Variants in PRAMEF19 observed in about 807,000 individuals in gnomAD.
The protein encoded by PRAMEF19 is PRAME family member-like.
PRAMEF19 carries 21 observed loss-of-function variants against 33.1 expected under a neutral mutation model. The ratio of observed to expected loss-of-function variants is 0.63; its 90% CI spans 0.45 to 0.91. The LOEUF (loss-of-function observed/expected upper bound fraction) is 0.91. Ranked by LOEUF, PRAMEF19 falls within the 40% of genes least tolerant of loss-of-function variation. The pLI, the probability that PRAMEF19 is intolerant of heterozygous loss-of-function variation, is 0.00. For missense variants in PRAMEF19, 481 were observed against 585.2 expected, an observed-to-expected ratio of 0.82 and a Z score of 1.84; for synonymous variants, 179 against 229.3, an observed-to-expected ratio of 0.78 and a Z score of 1.98.
chr1:13,370,776 G>T, exon 2 of PRAMEF19: 2 of 1,613,906 alleles, frequency 1.2e-6, no homozygotes, highest in South Asian at 2.2e-5. Context: ...TCAAAGCTTG[G>T]CAGGTAACCA....
chr1:13,369,202 A>G, exon 3 of PRAMEF19: 1 of 1,612,028 alleles, frequency 6.2e-7, no homozygotes, highest in African/African-American at 1.3e-5. Context: ...GCATCAGCTC[A>G]GCCTGAAGTG....
chr1:13,369,832 C>T (rs1223331078), intron 2 of PRAMEF19, among the ~76,000 whole-genome samples, 192 bp from the exon 3 acceptor site: 6 of 151,172 alleles, frequency 4.0e-5, no homozygotes, highest in African/African-American at 1.2e-4. Flanking sequence ...AGGCTCAGTC[C>T]TTTCACCATC....
At chr1:13,370,943 T>C (rs1425863165) in exon 2 of PRAMEF19, 99 of 1,613,400 alleles carry the variant, frequency 6.1e-5, no homozygotes, top group Non-Finnish European at 7.6e-5. Context: ...ATTTAGAATG[T>C]TCATTGAATA....
downstream of PRAMEF19, among the ~76,000 whole-genome samples, chr1:13,368,498 CTCT>C (rs1278869315): frequency 3.3e-5 from 5 of 152,104 alleles, no homozygotes; most frequent in Non-Finnish European, 5.9e-5. Flanking sequence ...GAACTAGTAC[CTCT>C]TTTTTTAATT....
chr1:13,369,706 G>A lies in PRAMEF19; in HGVS notation c.867-66C>T, dbSNP rs1386176820. 3.2e-5 allele frequency: 51 copies of A among 1,601,314 alleles called. 1 individual carries two copies. Among genetic ancestry groups the A allele is most frequent in the South Asian group, 1.1e-4 (10 of 90,192 alleles). On this transcript the variant is annotated intron_variant, in intron 2 of 2. Transcript: ENST00000376101. Reference sequence around the variant, plus strand: ...TTAGAGGACGGTGGTAGAAAATAACGTCAAGGGAAGAGCCTGTTTTGCCCA... The same window carrying A: ...TTAGAGGACGGTGGTAGAAAATAACATCAAGGGAAGAGCCTGTTTTGCCCA...
At chr1:13,370,702 C>A (rs1640660776) in exon 2 of PRAMEF19, 3 of 1,613,948 alleles carry the variant, frequency 1.9e-6, no homozygotes, top group Non-Finnish European at 2.5e-6. Flanking sequence ...TCATATAAAG[C>A]ATCTGGAGGT....
chr1:13,371,576 C>G, intron 1 of PRAMEF19, 38 bp downstream of exon 1: 1 of 1,610,796 alleles, frequency 6.2e-7, no homozygotes, highest in Admixed American at 1.7e-5. Context: ...CTGCTTAGTC[C>G]CTGGACACCT....
exon 3 of PRAMEF19, chr1:13,369,408 T>A: frequency 6.2e-7 from 1 of 1,613,074 alleles, no homozygotes; most frequent in Non-Finnish European, 8.5e-7. Context: ...AGGATGACCC[T>A]GAGTTTGGAG....
chr1:13,370,800 T>G, exon 2 of PRAMEF19: 1 of 1,613,962 alleles, frequency 6.2e-7, no homozygotes, highest in Admixed American at 1.7e-5. Context: ...CCATCGGAGA[T>G]GAAGAGTTTT....
chr1:13,370,020 G>A (rs1186464524), intron 2 of PRAMEF19, among the ~76,000 whole-genome samples: 1 of 152,164 alleles, frequency 6.6e-6, no homozygotes, highest in Non-Finnish European at 1.5e-5. Flanking sequence ...CCCTGACATG[G>A]CCACATCTGC....
exon 1 of PRAMEF19, chr1:13,371,809 A>G (rs1262933052): frequency 6.2e-7 from 1 of 1,611,680 alleles, no homozygotes; most frequent in Non-Finnish European, 8.5e-7. Context: ...CTCCCTGGGC[A>G]GCTCATCCAG....
intron 2 of PRAMEF19, 65 bp from the exon 3 acceptor site, chr1:13,369,705 C>T (rs1452262370): frequency 6.9e-6 from 11 of 1,604,262 alleles, no homozygotes; most frequent in Non-Finnish European, 7.7e-6. Flanking sequence ...TAGAAAATAA[C>T]GTCAAGGGAA....
intron 2 of PRAMEF19, among the ~76,000 whole-genome samples, chr1:13,370,199 C>T (rs1368406152): frequency 6.7e-4 from 101 of 151,442 alleles, no homozygotes; most frequent in African/African-American, 2.3e-3. Flanking sequence ...GACAGAGCTT[C>T]CTCTGTGAAA....
chr1:13,369,105 G>T, exon 3 of PRAMEF19: 1 of 1,611,980 alleles, frequency 6.2e-7, no homozygotes, highest in East Asian at 2.2e-5. Context: ...TTGAACTCCA[G>T]TTGCTCAGTG....
exon 1 of PRAMEF19, chr1:13,371,655 C>T: frequency 2.5e-6 from 4 of 1,610,766 alleles, no homozygotes; most frequent in South Asian, 1.1e-5. Context: ...CAATCCCATC[C>T]ACTACATAAT....
chr1:13,369,408 T>C lies in PRAMEF19; in HGVS notation c.1099A>G (p.Arg367Gly), dbSNP rs1331147548. 7.6e-5 allele frequency: 123 copies of C among 1,613,074 alleles called. No homozygotes were observed. In the African/African-American group the frequency reaches 1.5e-3, roughly 20 times the overall value. ...CGGCTCAGGGCAGGCAGGATGACCC[T>C]GAGTTTGGAGTCCCCAATCCCACAG... is the stretch of plus-strand genomic sequence containing the variant. The change falls in exon 3 of 3, where the codon AGG becomes GGG. Residue 367 changes from arginine to glycine, a missense_variant. Physicochemically the swap from Arg to Gly is moderately radical, Grantham distance 125 (BLOSUM62 -2). This residue lies in a region of PRAMEF19 where 392 missense variants were observed against 397.5 expected (regional missense o/e 0.99). Coordinates refer to ENST00000376101, the Ensembl canonical transcript of PRAMEF19.
At chr1:13,371,632 G>A in exon 1 of PRAMEF19, 3 of 1,610,770 alleles carry the variant, frequency 1.9e-6, no homozygotes, top group Non-Finnish European at 1.7e-6. Context: ...AACCTTTTGG[G>A]CAAGCAGGCA....
At chr1:13,369,115 G>A (rs2100379498) in exon 3 of PRAMEF19, 1 of 1,612,014 alleles carries the variant, frequency 6.2e-7, no homozygotes. Flanking sequence ...GTTGCTCAGT[G>A]GGTGACATGC....
chr1:13,369,390 G>C (rs1455791194), exon 3 of PRAMEF19: 23 of 1,612,466 alleles, frequency 1.4e-5, no homozygotes, highest in Non-Finnish European at 1.9e-5. Flanking sequence ...CAGCGGCTCA[G>C]GGCAGGCAGG....
Sources: allele counts gnomAD v4.1 joint callset (sites outside exome capture counted in the v4.1 genomes callset), GRCh38; gene constraint gnomAD v4.1.1; regional missense constraint gnomAD v4.1.1; transcripts MANE v1.5; gene names NCBI Gene and HGNC (gene_info 2026-07-23, HGNC 2026-07-21).